The following PPARGC1A variants were observed in gnomAD, a reference collection of about 807,000 sequenced individuals.
PPARGC1A encodes the protein PPARG coactivator 1 alpha.
PPARGC1A carries 25 observed loss-of-function variants against 88.7 expected under a neutral mutation model. The observed-to-expected ratio is 0.28, with a 90% CI of 0.21 to 0.39. The LOEUF is 0.39. Among genes scored for constraint, PPARGC1A ranks in the 10% least tolerant of loss-of-function variants. PPARGC1A has a pLI of 1.00. For missense variants in PPARGC1A, 880 were observed against 968.7 expected, an observed-to-expected ratio of 0.91 and a Z score of 1.22; for synonymous variants, 363 against 355.6, an observed-to-expected ratio of 1.02 and a Z score of -0.24.
chr4:24,026,770 T>C, the PPARGC1A span, among the ~76,000 whole-genome samples: 6 of 152,056 alleles, frequency 3.9e-5, no homozygotes, highest in African/African-American at 1.4e-4. Context: ...GCAGGGTGTA[T>C]AGGAAAGCTG....
At chr4:24,385,851 C>T in the PPARGC1A span, among the ~76,000 whole-genome samples, 1 of 152,070 alleles carries the variant, frequency 6.6e-6, no homozygotes, top group South Asian at 2.1e-4. Context: ...GAAACTATTC[C>T]AAACAACAGA....
the PPARGC1A span, among the ~76,000 whole-genome samples, chr4:24,123,134 C>G: frequency 6.6e-6 from 1 of 152,158 alleles, no homozygotes; most frequent in Non-Finnish European, 1.5e-5. Context: ...CCAGAGTGAG[C>G]CAATGAAACA....
At chr4:23,878,583 C>T (rs531085475) in intron 2 of PPARGC1A, among the ~76,000 whole-genome samples, 56 of 152,214 alleles carry the variant, frequency 3.7e-4, no homozygotes, top group African/African-American at 1.3e-3. Context: ...GGGTGATAAA[C>T]CAGATGTTCC....
chr4:24,193,565 C>T, the PPARGC1A span, among the ~76,000 whole-genome samples: 49 of 152,266 alleles, frequency 3.2e-4, no homozygotes, highest in South Asian at 1.5e-3. Context: ...AGACACTTTC[C>T]TGAAAAGTTT....
chr4:24,181,402 T>C, the PPARGC1A span, among the ~76,000 whole-genome samples: 1 of 152,228 alleles, frequency 6.6e-6, no homozygotes, highest in Admixed American at 6.5e-5. Flanking sequence ...GTAGCTACCT[T>C]GTAGAGTTGT....
chr4:23,864,052 G>T (rs1731719378), intron 2 of PPARGC1A, among the ~76,000 whole-genome samples: 1 of 152,040 alleles, frequency 6.6e-6, no homozygotes, highest in South Asian at 2.1e-4. Context: ...CAGCCTTGAA[G>T]ATCTATTTCA....
chr4:24,149,917 T>C, the PPARGC1A span, among the ~76,000 whole-genome samples: 8 of 152,210 alleles, frequency 5.3e-5, no homozygotes, highest in Admixed American at 2.0e-4. Context: ...TTGAAATTCA[T>C]TGATCTGGAA....
chr4:24,453,069 T>C, the PPARGC1A span, among the ~76,000 whole-genome samples: 1 of 152,134 alleles, frequency 6.6e-6, no homozygotes, highest in Non-Finnish European at 1.5e-5. Context: ...GCTGTCATTA[T>C]AAAAGGGGGA....
the PPARGC1A span, among the ~76,000 whole-genome samples, chr4:24,326,290 C>T: frequency 6.6e-6 from 1 of 152,106 alleles, no homozygotes; most frequent in Non-Finnish European, 1.5e-5. Context: ...ACTCTCCTTA[C>T]AATTCCCCCA....
At chr4:24,103,376 C>T in the PPARGC1A span, among the ~76,000 whole-genome samples, 1 of 152,048 alleles carries the variant, frequency 6.6e-6, no homozygotes, top group Admixed American at 6.6e-5. Context: ...ATCCCAGATG[C>T]TGATAATATA....
the PPARGC1A span, among the ~76,000 whole-genome samples, chr4:24,101,486 C>T: frequency 6.6e-6 from 1 of 152,212 alleles, no homozygotes; most frequent in African/African-American, 2.4e-5. Flanking sequence ...ATGTTCTCCA[C>T]ATGAAGAAAT....
At chr4:24,068,590 T>C in the PPARGC1A span, among the ~76,000 whole-genome samples, 1 of 151,932 alleles carries the variant, frequency 6.6e-6, no homozygotes, top group South Asian at 2.1e-4. Flanking sequence ...ACATTCAGGG[T>C]TTGTGTGTGT....
chr4:24,456,463 C>G, the PPARGC1A span, among the ~76,000 whole-genome samples: 1 of 152,036 alleles, frequency 6.6e-6, no homozygotes, highest in Non-Finnish European at 1.5e-5. Flanking sequence ...ATATTCCATA[C>G]GATATTTGCT....
At chr4:24,222,186 C>T in the PPARGC1A span, among the ~76,000 whole-genome samples, 9 of 152,192 alleles carry the variant, frequency 5.9e-5, no homozygotes, top group African/African-American at 2.2e-4. Flanking sequence ...ATCCTCCCAT[C>T]CTAGAGGCAG....
chr4:24,438,033 A>G, the PPARGC1A span, among the ~76,000 whole-genome samples: 1 of 152,110 alleles, frequency 6.6e-6, no homozygotes, highest in African/African-American at 2.4e-5. Flanking sequence ...GTGATGAATA[A>G]CTGCAAGGAG....
intron 2 of PPARGC1A, among the ~76,000 whole-genome samples, chr4:23,832,455 CA>C (rs1437701296): frequency 3.3e-5 from 5 of 152,122 alleles, no homozygotes; most frequent in African/African-American, 4.8e-5. Flanking sequence ...GTTTGGGTAA[CA>C]ATTCTTCATA....
the PPARGC1A span, among the ~76,000 whole-genome samples, chr4:24,442,651 G>T: frequency 2.6e-5 from 4 of 152,278 alleles, 1 homozygote; most frequent in South Asian, 8.3e-4. Context: ...CAAGAGAGGG[G>T]GCTATCTGCC....
chr4:23,801,919 A>C (rs1272462843), intron 11 of PPARGC1A, 38 bp from the exon 12 acceptor site: 2 of 1,610,902 alleles, frequency 1.2e-6, no homozygotes, highest in African/African-American at 1.3e-5. Flanking sequence ...CTGGTTAAGA[A>C]GTATTAGTAT....
chr4:24,297,838 C>T, the PPARGC1A span, among the ~76,000 whole-genome samples: 2 of 152,198 alleles, frequency 1.3e-5, no homozygotes, highest in East Asian at 3.8e-4. Flanking sequence ...TACGTAACCA[C>T]TCTCCTGTCA....
Sources: allele counts gnomAD v4.1 joint callset (sites outside exome capture counted in the v4.1 genomes callset), GRCh38; gene constraint gnomAD v4.1.1; transcripts MANE v1.5; gene names NCBI Gene and HGNC (gene_info 2026-07-23, HGNC 2026-07-21).